LIMK2: variants seen among roughly 807,000 people sequenced by gnomAD.
The protein encoded by LIMK2 is LIM domain kinase 2.
Under a neutral mutation model 75.7 loss-of-function variants are expected in LIMK2, and 35 were observed. The observed-to-expected ratio is 0.46, with a 90% CI of 0.35 to 0.61. The LOEUF (loss-of-function observed/expected upper bound fraction) is 0.61. LIMK2 is among the 20% of genes least tolerant of loss of function. LIMK2 has a pLI of 0.00. For synonymous variants in LIMK2, 301 were observed against 319.2 expected (o/e 0.94, Z 0.61); for missense variants, 623 against 831.0 (o/e 0.75, Z 3.08).
Position 31,273,470 on chromosome 22 carries a change from C to A in LIMK2, c.1577C>A (p.Thr526Lys). ...CCCCAAGGAAAGAGCTATGATGAGA[C>A]GGTGGATATCTTCTCCTTTGGGATC... The part of the protein sequence containing the change: ...EMLNGKSYDE[T>K]VDIFSFGIVL... The change falls in exon 14 of 16, where the codon ACG (threonine) becomes AAG (lysine). Residue 526 changes from threonine to lysine, a missense_variant. Thr to Lys is a moderately conservative substitution (Grantham distance 78). Around this residue, in one of 3 missense-constraint regions of LIMK2, gnomAD observed 63 missense variants for 122.8 expected, o/e 0.51. Transcript: ENST00000331728. 1 of 1,613,748 alleles carries A rather than the reference C, an allele frequency of 6.2e-7. No homozygotes were observed. Among genetic ancestry groups the A allele is most frequent in the Non-Finnish European group, 8.5e-7 (1 of 1,179,742 alleles).
At chr22:31,268,880 CTT>C (rs1362116057) in intron 11 of LIMK2, among the ~76,000 whole-genome samples, 1 of 152,176 alleles carries the variant, frequency 6.6e-6, no homozygotes, top group African/African-American at 2.4e-5. Context: ...AAGCCTGAGA[CTT>C]TAGCCACTGC....
intron 15 of LIMK2, chr22:31,277,134 G>A (rs779094138): frequency 1.2e-6 from 2 of 1,613,804 alleles, no homozygotes; most frequent in South Asian, 2.2e-5. Flanking sequence ...CACCCCAGAA[G>A]AAGTGAGGGT....
At chr22:31,246,718 C>G (rs570241408) in intron 2 of LIMK2, among the ~76,000 whole-genome samples, 1 of 147,260 alleles carries the variant, frequency 6.8e-6, no homozygotes, top group South Asian at 2.1e-4. Context: ...ATGATGGCAT[C>G]ACCGCACTCC....
chr22:31,250,221 T>C (rs979991183), intron 2 of LIMK2, among the ~76,000 whole-genome samples: 4 of 152,228 alleles, frequency 2.6e-5, no homozygotes, highest in African/African-American at 9.6e-5. Context: ...GGAATTAAGA[T>C]GCCAAGTGTT....
chr22:31,214,844 G>GGCAACAT (rs1306724247), intron 1 of LIMK2, among the ~76,000 whole-genome samples: 2 of 152,092 alleles, frequency 1.3e-5, no homozygotes, highest in African/African-American at 4.8e-5. Flanking sequence ...TGCCCATGCT[G>GGCAACAT]GAGTACAGTG....
intron 2 of LIMK2, among the ~76,000 whole-genome samples, chr22:31,233,604 C>T (rs1203029454): frequency 6.6e-6 from 1 of 152,188 alleles, no homozygotes; most frequent in East Asian, 1.9e-4. Context: ...CCACTGAGTT[C>T]TAGACCCATA....
At chr22:31,277,306 C>T in intron 15 of LIMK2, 1 of 1,448,460 alleles carries the variant, frequency 6.9e-7, no homozygotes, top group South Asian at 1.5e-5. Context: ...CAGTTTTCCA[C>T]TTTTGGATTT....
chr22:31,248,664 G>C, intron 2 of LIMK2: 1 of 1,613,988 alleles, frequency 6.2e-7, no homozygotes, highest in Non-Finnish European at 8.5e-7. Flanking sequence ...GCCGGCCTGA[G>C]GCAGTCACAG....
rs911856116 is a variant in LIMK2, at chr22:31,257,184, G to A, written c.117-1107G>A. ...TGGGATTAGAGGCATCAGCCACCCC[G>A]CCCAGCGAGCTATGGATCTAACATG... On this transcript the variant is annotated intron_variant, in intron 2 of 15. Transcript: ENST00000331728. 2.0e-5 allele frequency among the ~76,000 whole-genome samples: 3 copies of A among 149,248 alleles called. No individual in the cohort carries two copies. In the South Asian group the frequency reaches 6.5e-4, roughly 33 times the overall value.
chr22:31,240,983 C>CT (rs1333280509), intron 2 of LIMK2, among the ~76,000 whole-genome samples: 1 of 152,186 alleles, frequency 6.6e-6, no homozygotes, highest in Non-Finnish European at 1.5e-5. Context: ...CTGCCTGCCT[C>CT]TGAGGGTTAT....
chr22:31,275,316 T>G lies in LIMK2; in HGVS notation c.1772+8T>G, dbSNP rs1212793411. 1 of 1,614,024 alleles carries G rather than the reference T, an allele frequency of 6.2e-7. No homozygotes were observed. Among genetic ancestry groups the G allele is most frequent in the Admixed American group, 1.7e-5 (1 of 60,010 alleles). Reference sequence around the variant, plus strand: ...ACTGGAGCCTGAGAGCAGGTTGGTATCCTGCCTTTTTCTCCCAGCTCACAG... The same window carrying G: ...ACTGGAGCCTGAGAGCAGGTTGGTAGCCTGCCTTTTTCTCCCAGCTCACAG... On this transcript the variant is annotated splice_region_variant and intron_variant, in intron 15 of 15. Coordinates refer to ENST00000331728, the MANE Select transcript of LIMK2 (RefSeq NM_005569.4).
intron 1 of LIMK2, chr22:31,222,846 G>A (rs1420697174): frequency 1.3e-5 from 2 of 152,146 alleles, no homozygotes; most frequent in African/African-American, 4.8e-5. Context: ...CTGCTGAAGC[G>A]AGAGTACCAG....
rs2048912934 is a variant in LIMK2, at chr22:31,267,915, C to T, written c.1260+8C>T. ...GACTTTCTGCGCAGTATGGTGAGCA[C>T]ACCACCCCATAGTCTCCAGGAGCCT... On this transcript the variant is annotated splice_region_variant and intron_variant, in intron 10 of 15. Transcript: ENST00000331728. The T allele has an allele frequency of 1.3e-6, 2 of 1,589,958 alleles. No individual in the cohort carries two copies. The highest frequency in any genetic ancestry group is 2.7e-5 in the African/African-American group (2 of 73,876).
intron 1 of LIMK2, among the ~76,000 whole-genome samples, chr22:31,215,457 A>G (rs918764260): frequency 4.6e-5 from 7 of 152,150 alleles, no homozygotes; most frequent in African/African-American, 1.7e-4. Context: ...GAGTTTTGAG[A>G]TAATGTATAG....
chr22:31,257,424 T>G (rs2048795935), intron 2 of LIMK2, among the ~76,000 whole-genome samples: 1 of 152,182 alleles, frequency 6.6e-6, no homozygotes, highest in Non-Finnish European at 1.5e-5. Flanking sequence ...CTGAACTATT[T>G]CAGAGTAACT....
intron 12 of LIMK2, 133 bp from the exon 13 acceptor site, chr22:31,272,397 C>A (rs1315319539): frequency 4.8e-6 from 4 of 836,388 alleles, no homozygotes; most frequent in Admixed American, 5.2e-5. Context: ...TTTGATAGAG[C>A]TTTCTGCTCT....
At chr22:31,260,803 C>G in intron 5 of LIMK2, among the ~76,000 whole-genome samples, 1 of 152,144 alleles carries the variant, frequency 6.6e-6, no homozygotes, top group Non-Finnish European at 1.5e-5. Flanking sequence ...GAGGGAGAAG[C>G]ATTTCTCCAA....
At chr22:31,277,224 C>G (rs1347362117) in intron 15 of LIMK2, 12 of 1,593,346 alleles carry the variant, frequency 7.5e-6, no homozygotes, top group Non-Finnish European at 1.0e-5. Context: ...CCGGGGGACC[C>G]TGCGGCCAGG....
At chr22:31,217,521 C>G (rs1242705112) in intron 1 of LIMK2, among the ~76,000 whole-genome samples, 1 of 152,168 alleles carries the variant, frequency 6.6e-6, no homozygotes, top group East Asian at 1.9e-4. Context: ...TTCTTTAAGA[C>G]TAGTCCTGAT....
Sources: gnomAD v4.1 joint callset for allele counts (sites outside exome capture counted in the v4.1 genomes callset) on GRCh38, gnomAD v4.1.1 for gene constraint, gnomAD v4.1.1 regional missense constraint, MANE v1.5 for transcripts, NCBI Gene and HGNC (gene_info 2026-07-23, HGNC 2026-07-21) for gene names.